UGT3A2: variants seen among roughly 807,000 people sequenced by gnomAD.
UGT3A2 encodes the protein UDP-glycosyltransferase 3A2.
UGT3A2 carries 32 observed loss-of-function variants against 39.8 expected under a neutral mutation model. The observed-to-expected ratio is 0.80, with a 90% confidence interval of 0.61 to 1.08. The LOEUF (loss-of-function observed/expected upper bound fraction) is 1.08, where lower values mean the gene tolerates loss of function less well. UGT3A2 is among the 50% of genes least tolerant of loss of function. UGT3A2 has a pLI of 0.00. For missense variants in UGT3A2, 611 were observed against 637.1 expected (o/e 0.96, Z 0.44); for synonymous variants, 241 against 230.7 (o/e 1.04, Z -0.40).
At chr5:36,061,146 T>C (rs996884516) in intron 2 of UGT3A2, among the ~76,000 whole-genome samples, 2 of 152,170 alleles carry the variant, frequency 1.3e-5, no homozygotes, top group Non-Finnish European at 2.9e-5. Flanking sequence ...CACTCCAACC[T>C]GGGAGACAGA....
chr5:36,065,745 C>A (rs976979983), intron 1 of UGT3A2, among the ~76,000 whole-genome samples: 2 of 152,124 alleles, frequency 1.3e-5, no homozygotes, highest in Non-Finnish European at 2.9e-5. Context: ...AGGGAGGCCA[C>A]AAGTGCTCTT....
At chr5:36,041,248 C>G (rs1207810963) in intron 4 of UGT3A2, among the ~76,000 whole-genome samples, 1 of 152,070 alleles carries the variant, frequency 6.6e-6, no homozygotes, top group Non-Finnish European at 1.5e-5. Context: ...CTACAATTCC[C>G]AATTCCAGGA....
intron 3 of UGT3A2, 99 bp downstream of exon 3, chr5:36,051,771 A>T: frequency 1.1e-6 from 1 of 882,306 alleles, no homozygotes; most frequent in Non-Finnish European, 1.8e-6. Context: ...TCCATTCGTC[A>T]CTTTCTCTTA....
chr5:36,056,841 A>G (rs1742529801), intron 2 of UGT3A2, among the ~76,000 whole-genome samples: 2 of 152,316 alleles, frequency 1.3e-5, no homozygotes, highest in African/African-American at 4.8e-5. Context: ...CTCACATTTT[A>G]CTATAGACAG....
intron 4 of UGT3A2, among the ~76,000 whole-genome samples, chr5:36,048,043 G>T (rs1468712169): frequency 6.6e-6 from 1 of 152,164 alleles, no homozygotes; most frequent in Non-Finnish European, 1.5e-5. Context: ...AGACGCTTGG[G>T]TGGCTGCAAA....
At chr5:36,050,902 C>T (rs1742323317) in intron 3 of UGT3A2, among the ~76,000 whole-genome samples, 1 of 150,282 alleles carries the variant, frequency 6.7e-6, no homozygotes, top group Admixed American at 6.6e-5. Flanking sequence ...AATGTTTAGA[C>T]TGTAGTTCAT....
At chr5:36,066,316 C>A (rs959416329) in intron 1 of UGT3A2, among the ~76,000 whole-genome samples, 2 of 152,290 alleles carry the variant, frequency 1.3e-5, no homozygotes, top group Admixed American at 1.3e-4. Context: ...AGCTACTGTG[C>A]ACCCACACAC....
chr5:36,055,818 A>G lies in UGT3A2; in HGVS notation c.197-3834T>C, dbSNP rs372879471. ...CTGTTTATTTTGAACAAGAATAAAT[A>G]TCCTTTCAGGGACATGTTCTCATTC... On this transcript the variant is annotated intron_variant, in intron 2 of 6. Transcript: ENST00000282507. Among the ~76,000 whole-genome samples, 3 of 152,356 alleles carry G rather than the reference A, an allele frequency of 2.0e-5. No individual in the cohort carries two copies. In the East Asian group the frequency reaches 5.8e-4, roughly 29 times the overall value.
At position 36,035,357 on chromosome 5, in the gene UGT3A2, GA is replaced by G; in HGVS notation, c.*340del. 3.3e-6 allele frequency: 1 copy of G among 307,130 alleles called. No individual in the cohort carries two copies. Among genetic ancestry groups the G allele is most frequent in the Non-Finnish European group, 6.2e-6 (1 of 160,954 alleles). 19.0% of individuals were successfully genotyped at this position (307,130 alleles called of 1,614,324 possible). A position where few individuals can be genotyped will look rare whatever the true frequency, so the allele number is the denominator to read the frequency against. On this transcript the variant is annotated 3_prime_UTR_variant, in exon 7 of 7. Transcript: ENST00000282507. The stretch of plus-strand genomic sequence containing the variant: ...GCTGGAAGAGTCAGGGTGTGATTCG[GA>G]GAGGCGCATGAGAAGGAAGGTGGAT...
chr5:36,055,471 AT>A (rs1287294005), intron 2 of UGT3A2, among the ~76,000 whole-genome samples: 4 of 152,194 alleles, frequency 2.6e-5, no homozygotes, highest in African/African-American at 9.6e-5. Flanking sequence ...ACCTCAGGTG[AT>A]CCGCCTGCAT....
chr5:36,041,044 G>A (rs1741989124), intron 4 of UGT3A2, among the ~76,000 whole-genome samples: 1 of 152,202 alleles, frequency 6.6e-6, no homozygotes, highest in South Asian at 2.1e-4. Flanking sequence ...GACATGCCCT[G>A]GGTCAGAAGA....
In UGT3A2 at chr5:36,066,624, T is replaced by C. The variant is rs1013771166; in HGVS notation, c.94+72A>G. On this transcript the variant is annotated intron_variant, in intron 1 of 6. Transcript: ENST00000282507. ...CACGTGGATGACTCTGATCAAGCGCTGTTCTCTGGAGCCCTGGCAGTGCGA... is the reference window on the plus strand; with the variant it reads ...CACGTGGATGACTCTGATCAAGCGCCGTTCTCTGGAGCCCTGGCAGTGCGA... 23 of 1,606,462 alleles carry C rather than the reference T, an allele frequency of 1.4e-5. No individual in the cohort carries two copies. In the South Asian group the frequency reaches 2.5e-4, roughly 18 times the overall value.
chr5:36,049,777 T>TG lies in UGT3A2; in HGVS notation c.312-358dup, dbSNP rs201449955. ...ACTCTGTTTAGCCCTCATTTACACA[T>TG]GGAGTTTTTATGAGTGATTTTCTTA... On this transcript the variant is annotated intron_variant, in intron 3 of 6. Coordinates refer to ENST00000282507, the MANE Select transcript of UGT3A2 (RefSeq NM_174914.4). Among the ~76,000 whole-genome samples the TG allele has an allele frequency of 4.6e-3, 704 of 152,314 alleles. 5 individuals carry two copies. Among genetic ancestry groups the TG allele is most frequent in the African/African-American group, 0.016 (676 of 41,546 alleles).
chr5:36,066,032 A>C (rs536370205), intron 1 of UGT3A2, among the ~76,000 whole-genome samples: 1 of 152,336 alleles, frequency 6.6e-6, no homozygotes, highest in South Asian at 2.1e-4. Flanking sequence ...TGCAGAATTA[A>C]CAGTCCCATG....
intron 4 of UGT3A2, among the ~76,000 whole-genome samples, 165 bp from the exon 5 acceptor site, chr5:36,039,873 C>A (rs867266831): frequency 2.0e-5 from 3 of 152,178 alleles, no homozygotes; most frequent in South Asian, 2.1e-4. Flanking sequence ...GCACTGTGGT[C>A]ATGTCCTTTG....
At chr5:36,054,850 C>T (rs1268401140) in intron 2 of UGT3A2, among the ~76,000 whole-genome samples, 4 of 152,162 alleles carry the variant, frequency 2.6e-5, no homozygotes, top group Non-Finnish European at 4.4e-5. Context: ...AGTTTTCCTT[C>T]GTTTTTCATG....
rs372846961 is a variant in UGT3A2 at position 36,035,971 on chromosome 5, G to A, written c.1299C>T (p.Tyr433=). ...KMKQIMEDKR[Y]KSAAVAASVI... ...CACTGGCAGCCACTGCCGCGGACTTGTATCTGTTGAGAGAGATAGAGAGGG... is the reference window on the plus strand; with the variant it reads ...CACTGGCAGCCACTGCCGCGGACTTATATCTGTTGAGAGAGATAGAGAGGG... The change falls in exon 7 of 7, where the codon TAC becomes TAT. Residue 433 remains tyrosine, a synonymous_variant. Coordinates refer to ENST00000282507, the MANE Select transcript of UGT3A2 (RefSeq NM_174914.4). 3 of 1,613,514 alleles carry A rather than the reference G, an allele frequency of 1.9e-6. No homozygotes were observed. In the South Asian group the frequency reaches 3.3e-5, roughly 18 times the overall value.
chr5:36,037,758 C>A, intron 6 of UGT3A2, 39 bp downstream of exon 6: 1 of 1,608,440 alleles, frequency 6.2e-7, no homozygotes, highest in South Asian at 1.1e-5. Context: ...TTTTTGCCTT[C>A]ATTCGTCATT....
At position 36,047,323 on chromosome 5, in the gene UGT3A2, T is replaced by C. The variant is rs924193713; in HGVS notation, c.843+1566A>G. 3.4e-4 allele frequency among the ~76,000 whole-genome samples: 52 copies of C among 152,224 alleles called. 1 individual carries two copies. Among genetic ancestry groups the C allele is most frequent in the African/African-American group, 1.4e-4 (6 of 41,462 alleles). ...AGCTGTCATGGGTGCATCCTCAACC[T>C]TGGCAAATAAAGTTTCTAAATTGGT... On this transcript the variant is annotated intron_variant, in intron 4 of 6. Transcript: ENST00000282507.
Sources: allele counts gnomAD v4.1 joint callset (sites outside exome capture counted in the v4.1 genomes callset), GRCh38; gene constraint gnomAD v4.1.1; transcripts MANE v1.5; gene names NCBI Gene and HGNC (gene_info 2026-07-23, HGNC 2026-07-21).